HPSE2: variants seen among roughly 807,000 people sequenced by gnomAD.
The protein encoded by HPSE2 is heparanase 2 (inactive).
Under a neutral mutation model 60.5 loss-of-function variants are expected in HPSE2, and 38 were observed. The observed-to-expected ratio is 0.63, with a 90% CI of 0.48 to 0.82. The LOEUF is 0.82. Ranked by LOEUF, HPSE2 falls within the 40% of genes least tolerant of loss-of-function variation. HPSE2 has a pLI of 0.00. For synonymous variants in HPSE2, 295 were observed against 293.2 expected (o/e 1.01, Z -0.06); for missense variants, 713 against 740.4 (o/e 0.96, Z 0.43).
intron 2 of HPSE2, among the ~76,000 whole-genome samples, chr10:99,189,108 A>G (rs1246115923): frequency 6.6e-6 from 1 of 152,232 alleles, no homozygotes; most frequent in Non-Finnish European, 1.5e-5. Context: ...TATTTCTAAG[A>G]AGACAGAGAA....
At chr10:99,027,206 A>C (rs998874170) in intron 3 of HPSE2, among the ~76,000 whole-genome samples, 4 of 152,018 alleles carry the variant, frequency 2.6e-5, no homozygotes, top group Non-Finnish European at 5.9e-5. Flanking sequence ...GTTAAACAAA[A>C]TTGACAAACC....
At chr10:98,723,511 A>G (rs1015731122) in intron 4 of HPSE2, among the ~76,000 whole-genome samples, 3 of 151,970 alleles carry the variant, frequency 2.0e-5, no homozygotes, top group African/African-American at 7.3e-5. Flanking sequence ...CTCTTTTTCT[A>G]TTGATTGGAA....
intron 3 of HPSE2, among the ~76,000 whole-genome samples, chr10:99,015,458 C>T (rs1023220473): frequency 2.6e-5 from 4 of 152,126 alleles, no homozygotes. Flanking sequence ...GAAAATGTGG[C>T]ACATATACAC....
intron 3 of HPSE2, among the ~76,000 whole-genome samples, chr10:98,874,184 T>TC (rs1952811048): frequency 1.3e-5 from 2 of 150,750 alleles, no homozygotes; most frequent in South Asian, 4.2e-4. Flanking sequence ...TTTTTTTTTT[T>TC]CTGCTGTGCA....
At position 98,709,119 on chromosome 10, in the gene HPSE2, T is replaced by G. The variant is rs144940443; in HGVS notation, c.956+12538A>C. On this transcript the variant is annotated intron_variant, in intron 5 of 11. Transcript: ENST00000370552. ...TTGTTCAAATCTAACATTGATAGATTGTTCTGCTCTCTAGTTCTGCCTGTT... is the reference window on the plus strand; with the variant it reads ...TTGTTCAAATCTAACATTGATAGATGGTTCTGCTCTCTAGTTCTGCCTGTT... 2.0e-3 allele frequency among the ~76,000 whole-genome samples: 306 copies of G among 152,334 alleles called. 1 individual carries two copies. Among genetic ancestry groups the G allele is most frequent in the Admixed American group, 3.9e-3 (59 of 15,288 alleles).
At chr10:98,667,388 A>G (rs1212002543) in intron 6 of HPSE2, among the ~76,000 whole-genome samples, 3 of 152,206 alleles carry the variant, frequency 2.0e-5, no homozygotes, top group African/African-American at 7.2e-5. Flanking sequence ...AACTATTCCA[A>G]AAAATAAAGG....
chr10:99,303,431 AT>A, the HPSE2 span, among the ~76,000 whole-genome samples: 1 of 152,118 alleles, frequency 6.6e-6, no homozygotes, highest in Non-Finnish European at 1.5e-5. Context: ...TGGAAATAAA[AT>A]ATTGCCCCCT....
chr10:99,274,392 T>C, the HPSE2 span, among the ~76,000 whole-genome samples: 1 of 152,110 alleles, frequency 6.6e-6, no homozygotes, highest in African/African-American at 2.4e-5. Context: ...GTCCTGCACA[T>C]GTATCTTGGA....
chr10:98,997,225 G>A (rs1564724127), intron 3 of HPSE2, among the ~76,000 whole-genome samples: 2 of 147,990 alleles, frequency 1.4e-5, no homozygotes, highest in Admixed American at 1.4e-4. Context: ...TGATTCTTCT[G>A]CCTCAGCCTC....
the HPSE2 span, among the ~76,000 whole-genome samples, chr10:99,257,143 G>A: frequency 6.6e-6 from 1 of 152,168 alleles, no homozygotes; most frequent in Non-Finnish European, 1.5e-5. Context: ...AAGCTAAGGA[G>A]GATGTATGTC....
intron 9 of HPSE2, among the ~76,000 whole-genome samples, chr10:98,594,449 G>GT (rs772439243): frequency 2.6e-5 from 4 of 151,838 alleles, no homozygotes; most frequent in Non-Finnish European, 4.4e-5. Flanking sequence ...AGTTCTAATG[G>GT]TTTTTTTAGT....
intron 9 of HPSE2, among the ~76,000 whole-genome samples, chr10:98,518,977 A>G (rs1942696101): frequency 6.6e-6 from 1 of 152,190 alleles, no homozygotes; most frequent in Non-Finnish European, 1.5e-5. Flanking sequence ...TCAAAAGAAC[A>G]AGCTGAGGAT....
chr10:99,119,744 A>G (rs987867953), intron 3 of HPSE2, among the ~76,000 whole-genome samples: 6 of 152,226 alleles, frequency 3.9e-5, no homozygotes, highest in African/African-American at 1.4e-4. Flanking sequence ...GTACAAAAAC[A>G]GACACATAGA....
chr10:99,018,973 C>T (rs1409945316), intron 3 of HPSE2, among the ~76,000 whole-genome samples: 2 of 152,206 alleles, frequency 1.3e-5, no homozygotes, highest in African/African-American at 2.4e-5. Flanking sequence ...AAACTAGGTG[C>T]TTCCATGATG....
At chr10:98,482,224 T>C (rs1180968190) in intron 11 of HPSE2, among the ~76,000 whole-genome samples, 4 of 152,210 alleles carry the variant, frequency 2.6e-5, no homozygotes, top group Middle Eastern at 3.4e-3. Context: ...GGAGTCAGCA[T>C]TACAGAATGT....
At chr10:98,812,149 C>T (rs1951182971) in intron 3 of HPSE2, among the ~76,000 whole-genome samples, 1 of 152,050 alleles carries the variant, frequency 6.6e-6, no homozygotes, top group Non-Finnish European at 1.5e-5. Flanking sequence ...AGGGAAAATG[C>T]TATATTAATG....
At chr10:98,769,676 C>G (rs1055462154) in intron 3 of HPSE2, among the ~76,000 whole-genome samples, 5 of 152,112 alleles carry the variant, frequency 3.3e-5, no homozygotes, top group African/African-American at 1.2e-4. Flanking sequence ...AAAGAGCTAG[C>G]CTCGGAAGGA....
chr10:98,514,048 G>GTA (rs1044505682), intron 9 of HPSE2, among the ~76,000 whole-genome samples: 63 of 151,516 alleles, frequency 4.2e-4, no homozygotes, highest in African/African-American at 9.7e-4. Flanking sequence ...TGGCACATAT[G>GTA]TATATATATA....
At chr10:99,282,409 T>C in the HPSE2 span, among the ~76,000 whole-genome samples, 2 of 152,150 alleles carry the variant, frequency 1.3e-5, no homozygotes, top group African/African-American at 4.8e-5. Flanking sequence ...GCAAAATATA[T>C]AGTTCTATAA....
Sources: allele counts gnomAD v4.1 joint callset (sites outside exome capture counted in the v4.1 genomes callset), GRCh38; gene constraint gnomAD v4.1.1; transcripts MANE v1.5; gene names NCBI Gene and HGNC (gene_info 2026-07-23, HGNC 2026-07-21).